KRI1: variants seen among roughly 807,000 people sequenced by gnomAD.
KRI1 encodes KRI1 homolog.
KRI1 carries 83 observed loss-of-function variants against 97.0 expected under a neutral mutation model. That is an observed-to-expected ratio of 0.86 (90% CI 0.72 to 1.03). The LOEUF is 1.03. KRI1 is among the 50% of genes least tolerant of loss of function. KRI1 has a pLI of 0.00. For missense variants in KRI1, 916 were observed against 928.4 expected (o/e 0.99, Z 0.17); for synonymous variants, 371 against 363.5 (o/e 1.02, Z -0.23).
At position 10,554,015 on chromosome 19, in the gene KRI1, C is replaced by T. The variant is rs539286774; in HGVS notation, c.2048G>A (p.Arg683Gln). 1.4e-5 allele frequency: 22 copies of T among 1,613,896 alleles called. No homozygotes were observed. In the Admixed American group the frequency reaches 1.7e-4, roughly 12 times the overall value. The stretch of plus-strand genomic sequence containing the variant: ...CCGGCCCAGCTGGCGGAAGTGCAGC[C>T]GTTTGGGGTTGAGGCCAAAGGCCTG... ...RLQAFGLNPK[R>Q]LHFRQLGRQR... The change falls in exon 19 of 19, where the codon CGG becomes CAG. Residue 683 changes from arginine to glutamine, a missense_variant. Coordinates refer to ENST00000312962, the MANE Select transcript of KRI1 (RefSeq NM_023008.5).
chr19:10,558,064 G>T lies in KRI1; in HGVS notation c.1271-4C>A. 1 of 1,614,082 alleles carries T rather than the reference G, an allele frequency of 6.2e-7. No homozygotes were observed. On this transcript the variant is annotated splice_polypyrimidine_tract_variant and splice_region_variant and intron_variant, in intron 13 of 18. Coordinates refer to ENST00000312962, the MANE Select transcript of KRI1 (RefSeq NM_023008.5). ...CACGTGTCCCAGTTCCAGTCGTCTG[G>T]ATGCAGGGAGAACAGACAGGTGGGG...
chr19:10,561,938 C>CG lies in KRI1; in HGVS notation c.384-94dup, dbSNP rs576534461. ...AGCAGCTATTCCAAGCAACAGCTGG[C>CG]GGGGGTCATCGGAGGGCTATGGAAT... On this transcript the variant is annotated intron_variant, in intron 4 of 18. Transcript: ENST00000312962. 9.7e-5 allele frequency: 108 copies of CG among 1,118,710 alleles called. No individual in the cohort carries two copies. The African/African-American group carries it at 1.5e-3, about 16-fold the overall frequency. 69.3% of individuals were successfully genotyped at this position (1,118,710 alleles called of 1,614,324 possible). A position where few individuals can be genotyped will look rare whatever the true frequency, so the allele number is the denominator to read the frequency against.
chr19:10,562,593 A>G, intron 4 of KRI1, 136 bp downstream of exon 4: 1 of 655,938 alleles, frequency 1.5e-6, no homozygotes, highest in Non-Finnish European at 2.8e-6. Context: ...TCAGCCTACC[A>G]AAGTGCTGGG....
chr19:10,557,376 C>T (rs1283294433), intron 16 of KRI1, among the ~76,000 whole-genome samples, 176 bp downstream of exon 16: 1 of 151,952 alleles, frequency 6.6e-6, no homozygotes, highest in Admixed American at 6.6e-5. Context: ...CAAAGTGCTG[C>T]GATTACAGGC....
intron 12 of KRI1, among the ~76,000 whole-genome samples, chr19:10,558,667 G>A (rs535103297): frequency 7.4e-5 from 11 of 149,012 alleles, no homozygotes; most frequent in East Asian, 6.1e-4. Context: ...CTCAGCCTCC[G>A]GAATAGCTGG....
At chr19:10,563,648 GATTA>G (rs1916766968) in intron 3 of KRI1, among the ~76,000 whole-genome samples, 1 of 151,898 alleles carries the variant, frequency 6.6e-6, no homozygotes. Context: ...TGCCCAGCCT[GATTA>G]ATTATTATAA....
chr19:10,565,132 G>A lies in KRI1; in HGVS notation c.169-98C>T. 8.7e-6 allele frequency: 7 copies of A among 800,080 alleles called. No individual in the cohort carries two copies. In the South Asian group the frequency reaches 9.9e-5, roughly 11 times the overall value. The allele number at this position is 800,080 out of a possible 1,614,324, so 49.6% of individuals were successfully genotyped here. A position where few individuals can be genotyped will look rare whatever the true frequency, so the allele number is the denominator to read the frequency against. On this transcript the variant is annotated intron_variant, in intron 2 of 18. Coordinates refer to ENST00000312962, the MANE Select transcript of KRI1 (RefSeq NM_023008.5). ...TCAGCGTAGGGATTAGGATGGAGGG[G>A]GGTGGATCTGGCTGGGGAGGTCAAA... is the stretch of plus-strand genomic sequence containing the variant.
chr19:10,562,027 T>C (rs558622112), intron 4 of KRI1, among the ~76,000 whole-genome samples, 182 bp from the exon 5 acceptor site: 68 of 151,824 alleles, frequency 4.5e-4, no homozygotes, highest in African/African-American at 1.5e-3. Flanking sequence ...TTTTTTTTTT[T>C]TTTTCTTTTC....
rs755505736 is a variant in KRI1 at position 10,558,235 on chromosome 19, C to T, written c.1199G>A (p.Cys400Tyr). 5 of 1,613,976 alleles carry T rather than the reference C, an allele frequency of 3.1e-6. No homozygotes were observed. In the African/African-American group the frequency reaches 5.3e-5, roughly 17 times the overall value. The part of the protein sequence containing the change: ...PAQHDQLMQK[C>Y]FGDEYYGAVE... Reference sequence around the variant, plus strand: ...GGCCCCGTAGTACTCGTCCCCAAAGCACTTCTGCAGGGTCAGGGCTGGCGG... The same window carrying T: ...GGCCCCGTAGTACTCGTCCCCAAAGTACTTCTGCAGGGTCAGGGCTGGCGG... Residue 400 changes from cysteine to tyrosine, a missense_variant, in exon 13 of 19, where the codon TGC becomes TAC. Cys to Tyr is a radical substitution (Grantham distance 194). Around this residue, in one of 3 missense-constraint regions of KRI1, gnomAD observed 672 missense variants for 667.2 expected, o/e 1.01. Transcript: ENST00000312962.
intron 1 of KRI1, 27 bp from the exon 2 acceptor site, chr19:10,565,817 C>CA: frequency 1.3e-6 from 2 of 1,552,772 alleles, no homozygotes; most frequent in Non-Finnish European, 1.7e-6. Flanking sequence ...GGATGCCCCC[C>CA]CCCAGGTCAG....
In KRI1 at chr19:10,554,258, G is replaced by A; in HGVS notation, c.1805C>T (p.Thr602Ile). ...REEAETPAEA[T>I]GKPQRDEAGP... ...GGCTTCATCTCTCTGTGGCTTCCCTGTGGCTTCCGCAGGTGTCTCTGCCCT... is the reference window on the plus strand; with the variant it reads ...GGCTTCATCTCTCTGTGGCTTCCCTATGGCTTCCGCAGGTGTCTCTGCCCT... Residue 602 changes from threonine (T) to isoleucine (I), a missense_variant, in exon 19 of 19, where the codon ACA becomes ATA. Coordinates refer to ENST00000312962, the MANE Select transcript of KRI1 (RefSeq NM_023008.5). The A allele has an allele frequency of 6.2e-7, 1 of 1,613,922 alleles. No homozygotes were observed. Among genetic ancestry groups the A allele is most frequent in the Non-Finnish European group, 8.5e-7 (1 of 1,180,004 alleles).
intron 4 of KRI1, among the ~76,000 whole-genome samples, chr19:10,562,131 C>G (rs890527893): frequency 6.6e-6 from 1 of 151,952 alleles, no homozygotes; most frequent in African/African-American, 2.4e-5. Flanking sequence ...AAACTGCAAC[C>G]TCCACCTCCC....
chr19:10,558,566 G>C (rs552366386), intron 12 of KRI1, among the ~76,000 whole-genome samples: 2 of 151,484 alleles, frequency 1.3e-5, no homozygotes, highest in Admixed American at 1.3e-4. Context: ...TTTTGAAACA[G>C]AATTTCGCTC....
intron 8 of KRI1, 80 bp downstream of exon 8, chr19:10,560,923 G>T: frequency 1.8e-6 from 2 of 1,088,758 alleles, no homozygotes; most frequent in Middle Eastern, 2.0e-4. Context: ...CCCATCTTCA[G>T]AGGGTTACTT....
chr19:10,559,831 G>A lies in KRI1; in HGVS notation c.906C>T (p.Phe302=), dbSNP rs751077048. ...ACACCGATGCTGAGTCCGGCTCCTC[G>A]AAACGGAAATTGTACTTCTGTTCAA... ...EDFEQKYNFR[F]EEPDSASVKT... Residue 302 remains phenylalanine (F), a synonymous_variant, in exon 10 of 19, where the codon TTC becomes TTT. Coordinates refer to ENST00000312962, the MANE Select transcript of KRI1 (RefSeq NM_023008.5). 9.9e-6 allele frequency: 16 copies of A among 1,613,682 alleles called. No individual in the cohort carries two copies. Among genetic ancestry groups the A allele is most frequent in the East Asian group, 6.7e-5 (3 of 44,882 alleles).
chr19:10,555,852 CATCA>C (rs1322875953), intron 16 of KRI1, among the ~76,000 whole-genome samples: 1 of 152,236 alleles, frequency 6.6e-6, no homozygotes, highest in Non-Finnish European at 1.5e-5. Flanking sequence ...CTTCAGCCGT[CATCA>C]GTCAGGCATA....
At chr19:10,560,966 C>A in intron 8 of KRI1, 37 bp downstream of exon 8, 1 of 1,493,758 alleles carries the variant, frequency 6.7e-7, no homozygotes, top group Non-Finnish European at 9.3e-7. Context: ...GCGGAACACG[C>A]GGTCTACTCC....
chr19:10,553,288 G>C lies in KRI1; in HGVS notation c.*663C>G, dbSNP rs925493688. 7.0e-6 allele frequency: 4 copies of C among 569,924 alleles called. No homozygotes were observed. The highest frequency in any genetic ancestry group is 5.6e-5 in the African/African-American group (3 of 53,658). The allele number at this position is 569,924 out of a possible 1,614,324, so 35.3% of individuals were successfully genotyped here. A position where few individuals can be genotyped will look rare whatever the true frequency, so the allele number is the denominator to read the frequency against. On this transcript the variant is annotated 3_prime_UTR_variant, in exon 19 of 19. Coordinates refer to ENST00000312962, the MANE Select transcript of KRI1 (RefSeq NM_023008.5). ...GCCCTCCTGGCAGGGTAGGGAAGGA[G>C]GACCCCGGGCACCCCCCTCAGGGCC...
chr19:10,556,293 G>A (rs1239328098), intron 16 of KRI1, among the ~76,000 whole-genome samples: 1 of 152,100 alleles, frequency 6.6e-6, no homozygotes, highest in African/African-American at 2.4e-5. Context: ...AGAGTACTGG[G>A]ATTACAGGTG....
Sources: gnomAD v4.1 joint callset for allele counts (sites outside exome capture counted in the v4.1 genomes callset) on GRCh38, gnomAD v4.1.1 for gene constraint, gnomAD v4.1.1 regional missense constraint, MANE v1.5 for transcripts, NCBI Gene and HGNC (gene_info 2026-07-23, HGNC 2026-07-21) for gene names.